SPIDR: variants seen among roughly 807,000 people sequenced by gnomAD.
SPIDR encodes scaffold protein involved in DNA repair.
A neutral mutation model predicts 104.6 loss-of-function variants in SPIDR; 93 were observed. That is an observed-to-expected ratio of 0.89 (90% CI 0.75 to 1.06). The LOEUF is 1.06. Among genes scored for constraint, SPIDR ranks in the 50% least tolerant of loss-of-function variants. The pLI, the probability that SPIDR is intolerant of heterozygous loss-of-function variation, is 0.00. For missense variants in SPIDR, 1,154 were observed against 1,111.2 expected (o/e 1.04, Z -0.55); for synonymous variants, 431 against 416.9 (o/e 1.03, Z -0.41).
intron 14 of SPIDR, among the ~76,000 whole-genome samples, chr8:47,706,176 A>T (rs1355456358): frequency 6.6e-6 from 1 of 152,028 alleles, no homozygotes; most frequent in African/African-American, 2.4e-5. Flanking sequence ...GTGGATCACA[A>T]GGTCAGGAGA....
chr8:47,665,239 T>G (rs1588983847), intron 10 of SPIDR, among the ~76,000 whole-genome samples: 2 of 152,202 alleles, frequency 1.3e-5, no homozygotes. Context: ...CCAGTGACAG[T>G]CTAGCTGACT....
intron 8 of SPIDR, among the ~76,000 whole-genome samples, chr8:47,522,914 A>G (rs1191109783): frequency 6.6e-6 from 1 of 152,088 alleles, no homozygotes; most frequent in Non-Finnish European, 1.5e-5. Context: ...TTTGAAAGGA[A>G]TAGTTTAAAG....
chr8:47,534,092 G>A (rs1242692232), intron 8 of SPIDR, among the ~76,000 whole-genome samples: 1 of 152,180 alleles, frequency 6.6e-6, no homozygotes, highest in Admixed American at 6.5e-5. Flanking sequence ...TGAGTGACTG[G>A]TATTTCCCCT....
intron 7 of SPIDR, among the ~76,000 whole-genome samples, chr8:47,419,996 C>G (rs1453000859): frequency 6.6e-6 from 1 of 152,122 alleles, no homozygotes; most frequent in Non-Finnish European, 1.5e-5. Flanking sequence ...GTTATAATTT[C>G]TGTTCTTTTA....
chr8:47,288,932 A>G (rs1044915955), intron 3 of SPIDR, among the ~76,000 whole-genome samples: 3 of 152,068 alleles, frequency 2.0e-5, no homozygotes, highest in African/African-American at 7.3e-5. Flanking sequence ...TCCATGACAT[A>G]CATCTGGTAT....
rs782350029 is a variant in SPIDR at position 47,391,001 on chromosome 8, G to A, written c.526-5375G>A. Among the ~76,000 whole-genome samples the A allele has an allele frequency of 3.9e-5, 6 of 152,066 alleles. No individual in the cohort carries two copies. The South Asian group carries it at 1.2e-3, about 32-fold the overall frequency. ...CACCCTCTCTGGCACACACTTGTCTGTGCACACATGCACACCTGTACATAT... is the reference window on the plus strand; with the variant it reads ...CACCCTCTCTGGCACACACTTGTCTATGCACACATGCACACCTGTACATAT... On this transcript the variant is annotated intron_variant, in intron 5 of 19. Coordinates refer to ENST00000297423, the MANE Select transcript of SPIDR (RefSeq NM_001080394.4).
intron 1 of SPIDR, among the ~76,000 whole-genome samples, chr8:47,267,773 TA>T (rs781820432): frequency 5.9e-5 from 9 of 152,258 alleles, no homozygotes; most frequent in Non-Finnish European, 1.3e-4. Flanking sequence ...TGATTGCAGA[TA>T]TTTTCTCTCA....
intron 8 of SPIDR, among the ~76,000 whole-genome samples, chr8:47,520,879 G>C (rs2154380297): frequency 6.6e-6 from 1 of 152,340 alleles, no homozygotes; most frequent in South Asian, 2.1e-4. Flanking sequence ...CAAACTGGAT[G>C]AGGCTCAAAG....
chr8:47,537,571 TG>T (rs2087137309), intron 8 of SPIDR, among the ~76,000 whole-genome samples: 1 of 152,090 alleles, frequency 6.6e-6, no homozygotes, highest in African/African-American at 2.4e-5. Context: ...GATGAATAGG[TG>T]GTGGACAGGG....
chr8:47,537,172 C>G (rs1435514583), intron 8 of SPIDR, among the ~76,000 whole-genome samples: 1 of 152,198 alleles, frequency 6.6e-6, no homozygotes, highest in Non-Finnish European at 1.5e-5. Context: ...TACAAAAATA[C>G]ACATATTCTT....
intron 8 of SPIDR, among the ~76,000 whole-genome samples, chr8:47,446,354 G>C (rs2070605588): frequency 6.6e-6 from 1 of 152,130 alleles, no homozygotes; most frequent in Admixed American, 6.5e-5. Flanking sequence ...GAATGGCTTA[G>C]TGAATACTTT....
intron 8 of SPIDR, among the ~76,000 whole-genome samples, chr8:47,502,912 A>G (rs1453665463): frequency 6.6e-6 from 1 of 152,226 alleles, no homozygotes; most frequent in East Asian, 1.9e-4. Context: ...GTCATTCAGG[A>G]GCACGTTGTG....
intron 5 of SPIDR, among the ~76,000 whole-genome samples, chr8:47,359,642 G>A (rs2055323545): frequency 6.6e-6 from 1 of 152,142 alleles, no homozygotes; most frequent in African/African-American, 2.4e-5. Context: ...TGATCACTCA[G>A]CATTGTGCCC....
At chr8:47,623,835 A>T (rs2065548443) in intron 10 of SPIDR, among the ~76,000 whole-genome samples, 1 of 152,220 alleles carries the variant, frequency 6.6e-6, no homozygotes, top group African/African-American at 2.4e-5. Context: ...AACGAGACAG[A>T]AAGTTAACAA....
chr8:47,656,446 C>T (rs1204706144), intron 10 of SPIDR, among the ~76,000 whole-genome samples: 1 of 152,058 alleles, frequency 6.6e-6, no homozygotes, highest in Non-Finnish European at 1.5e-5. Flanking sequence ...CAAATAAAAA[C>T]CACAGTGAGA....
intron 10 of SPIDR, among the ~76,000 whole-genome samples, chr8:47,652,677 G>A (rs1262711389): frequency 6.6e-6 from 1 of 152,116 alleles, no homozygotes; most frequent in African/African-American, 2.4e-5. Context: ...TAGGATTGCA[G>A]AATTTACAAA....
chr8:47,351,936 A>C (rs781862393), intron 5 of SPIDR, among the ~76,000 whole-genome samples: 1 of 152,160 alleles, frequency 6.6e-6, no homozygotes, highest in Non-Finnish European at 1.5e-5. Flanking sequence ...GTATATTATA[A>C]TTTTGAAAGA....
intron 5 of SPIDR, among the ~76,000 whole-genome samples, chr8:47,369,191 G>A (rs896783382): frequency 6.6e-6 from 1 of 152,130 alleles, no homozygotes; most frequent in African/African-American, 2.4e-5. Context: ...CTTCCCCTCT[G>A]TCCCTTTCAG....
At chr8:47,680,899 A>G (rs2077014437) in intron 11 of SPIDR, among the ~76,000 whole-genome samples, 1 of 152,198 alleles carries the variant, frequency 6.6e-6, no homozygotes, top group Non-Finnish European at 1.5e-5. Flanking sequence ...TGAGGTCAGG[A>G]GTTTCTAGCC....
Sources: gnomAD v4.1 joint callset for allele counts (sites outside exome capture counted in the v4.1 genomes callset) on GRCh38, gnomAD v4.1.1 for gene constraint, MANE v1.5 for transcripts, NCBI Gene and HGNC (gene_info 2026-07-23, HGNC 2026-07-21) for gene names.